The following SPAG16 variants were observed in gnomAD, a reference collection of about 807,000 sequenced individuals.
SPAG16 encodes the protein sperm-associated antigen 16 protein.
SPAG16 carries 86 observed loss-of-function variants against 80.4 expected under a neutral mutation model. That is an observed-to-expected ratio of 1.07 (90% CI 0.90 to 1.28). The LOEUF (loss-of-function observed/expected upper bound fraction) is 1.28. Ranked by LOEUF, SPAG16 falls within the 50% of genes most tolerant of loss-of-function variation. SPAG16 has a pLI of 0.00. For synonymous variants in SPAG16, 294 were observed against 265.9 expected (o/e 1.11, Z -1.03); for missense variants, 870 against 765.3 (o/e 1.14, Z -1.61).
intron 4 of SPAG16, among the ~76,000 whole-genome samples, chr2:213,312,256 G>A (rs766258): frequency 0.22 from 32,777 of 151,462 alleles, 4,383 homozygotes; most frequent in Non-Finnish European, 0.31. Context: ...ATGAACCACT[G>A]AAAAGTTTCC....
At chr2:213,894,511 C>T (rs1242009618) in intron 11 of SPAG16, among the ~76,000 whole-genome samples, 3 of 152,214 alleles carry the variant, frequency 2.0e-5, no homozygotes, top group African/African-American at 7.2e-5. Context: ...AATTGAAGAC[C>T]TTTCCTCTAG....
In SPAG16 at chr2:214,041,165, C is replaced by CT. The variant is rs1189137072; in HGVS notation, c.1527+27096dup. 2.4e-3 allele frequency among the ~76,000 whole-genome samples: 357 copies of CT among 149,516 alleles called. 1 individual carries two copies. Among genetic ancestry groups the CT allele is most frequent in the African/African-American group, 8.4e-3 (342 of 40,730 alleles). On this transcript the variant is annotated intron_variant, in intron 13 of 15. Transcript: ENST00000331683. Reference sequence around the variant, plus strand: ...TGATATGATTTTGTCTTTTTAAATCCTTTTTTTTCTCTTTTTAGTGTTTGA... The same window carrying CT: ...TGATATGATTTTGTCTTTTTAAATCCTTTTTTTTTCTCTTTTTAGTGTTTGA...
At chr2:214,155,889 G>A (rs1266740350) in intron 15 of SPAG16, among the ~76,000 whole-genome samples, 1 of 151,984 alleles carries the variant, frequency 6.6e-6, no homozygotes, top group Non-Finnish European at 1.5e-5. Context: ...AGCATTAACA[G>A]GCCCACTGTC....
At chr2:213,780,094 G>T (rs998910987) in intron 10 of SPAG16, among the ~76,000 whole-genome samples, 1 of 152,156 alleles carries the variant, frequency 6.6e-6, no homozygotes, top group African/African-American at 2.4e-5. Flanking sequence ...GACTAGTCAT[G>T]TACTTCATGC....
chr2:214,071,701 T>C (rs2050796147), intron 13 of SPAG16, among the ~76,000 whole-genome samples: 1 of 152,126 alleles, frequency 6.6e-6, no homozygotes, highest in Non-Finnish European at 1.5e-5. Context: ...GTGTTGTAGA[T>C]TGCTGAAATA....
At chr2:214,153,399 G>A (rs867752618) in intron 15 of SPAG16, among the ~76,000 whole-genome samples, 1 of 152,088 alleles carries the variant, frequency 6.6e-6, no homozygotes, top group African/African-American at 2.4e-5. Flanking sequence ...ACAAACTAAT[G>A]ATTATTGATA....
chr2:213,652,701 T>G (rs904438241), intron 10 of SPAG16, among the ~76,000 whole-genome samples: 16 of 152,282 alleles, frequency 1.1e-4, no homozygotes, highest in African/African-American at 3.8e-4. Context: ...TGTATTATTA[T>G]GAATTGGCTT....
At chr2:213,890,213 G>T (rs187072759) in intron 11 of SPAG16, among the ~76,000 whole-genome samples, 2 of 152,122 alleles carry the variant, frequency 1.3e-5, no homozygotes, top group African/African-American at 4.8e-5. Flanking sequence ...GACTTTAGTG[G>T]CATTGGTAAA....
At chr2:214,101,910 T>C (rs1008719289) in intron 13 of SPAG16, among the ~76,000 whole-genome samples, 1 of 152,118 alleles carries the variant, frequency 6.6e-6, no homozygotes, top group Non-Finnish European at 1.5e-5. Context: ...AATCACCATT[T>C]CCCTATAGTT....
intron 15 of SPAG16, among the ~76,000 whole-genome samples, chr2:214,162,483 C>T (rs551611577): frequency 6.6e-6 from 1 of 152,148 alleles, no homozygotes; most frequent in South Asian, 2.1e-4. Flanking sequence ...GAAGTAAGTA[C>T]TGGGAACAAT....
At chr2:213,742,308 T>G (rs1289223904) in intron 10 of SPAG16, among the ~76,000 whole-genome samples, 1 of 152,134 alleles carries the variant, frequency 6.6e-6, no homozygotes, top group African/African-American at 2.4e-5. Context: ...TGTCTTCCCT[T>G]TCAAGAATAC....
chr2:214,032,991 A>G (rs2125057671), intron 13 of SPAG16, among the ~76,000 whole-genome samples: 1 of 152,328 alleles, frequency 6.6e-6, no homozygotes, highest in Admixed American at 6.5e-5. Flanking sequence ...CAGAGAACAC[A>G]CACATCTCCT....
intron 14 of SPAG16, among the ~76,000 whole-genome samples, chr2:214,131,955 C>T (rs1016843402): frequency 6.6e-6 from 1 of 151,962 alleles, no homozygotes; most frequent in Non-Finnish European, 1.5e-5. Flanking sequence ...TGAAGATGTG[C>T]TAATGTAGGT....
At chr2:213,869,287 A>ATGTGTG (rs1291388616) in intron 11 of SPAG16, among the ~76,000 whole-genome samples, 2 of 118,548 alleles carry the variant, frequency 1.7e-5, no homozygotes, top group Non-Finnish European at 3.8e-5. Flanking sequence ...ATATGTATAT[A>ATGTGTG]TATATGTATA....
intron 10 of SPAG16, among the ~76,000 whole-genome samples, chr2:213,676,666 C>A (rs1319101181): frequency 6.6e-6 from 1 of 151,834 alleles, no homozygotes; most frequent in Non-Finnish European, 1.5e-5. Context: ...TTTGATTCTG[C>A]TTATATGCTG....
At chr2:213,835,862 AAGC>A (rs2074043515) in intron 10 of SPAG16, among the ~76,000 whole-genome samples, 1 of 152,176 alleles carries the variant, frequency 6.6e-6, no homozygotes, top group African/African-American at 2.4e-5. Flanking sequence ...TTCTTATTAA[AAGC>A]AGAGTAAGAA....
chr2:213,713,515 A>G (rs1000311071), intron 10 of SPAG16, among the ~76,000 whole-genome samples: 5 of 152,206 alleles, frequency 3.3e-5, no homozygotes, highest in Non-Finnish European at 5.9e-5. Context: ...TGAAGAAGTC[A>G]CAAGTACCCT....
intron 15 of SPAG16, among the ~76,000 whole-genome samples, chr2:214,367,193 G>GA (rs1242740118): frequency 6.6e-6 from 1 of 152,006 alleles, no homozygotes; most frequent in Non-Finnish European, 1.5e-5. Flanking sequence ...TAAGAGTGAT[G>GA]AAAAAAATAT....
At chr2:213,954,798 A>G (rs77668165) in intron 12 of SPAG16, among the ~76,000 whole-genome samples, 1,986 of 152,244 alleles carry the variant, frequency 0.013, 41 homozygotes, top group African/African-American at 0.045. Context: ...AATTCTCCAC[A>G]TTGTTGCTAA....
Sources: allele counts gnomAD v4.1 joint callset (sites outside exome capture counted in the v4.1 genomes callset), GRCh38; gene constraint gnomAD v4.1.1; transcripts MANE v1.5; gene names NCBI Gene and HGNC (gene_info 2026-07-23, HGNC 2026-07-21).